SLC9A9: variants seen among roughly 807,000 people sequenced by gnomAD.
The protein encoded by SLC9A9 is sodium/hydrogen exchanger 9.
SLC9A9 carries 62 observed loss-of-function variants against 77.8 expected under a neutral mutation model. The observed-to-expected ratio is 0.80, with a 90% CI of 0.65 to 0.98. SLC9A9 has a LOEUF of 0.98. Among genes scored for constraint, SLC9A9 ranks in the 50% least tolerant of loss-of-function variants. The probability of loss-of-function intolerance (pLI) is 0.00; values close to 1 mark genes in which losing one functional copy is unlikely to be tolerated. For synonymous variants in SLC9A9, 320 were observed against 283.5 expected (o/e 1.13, Z -1.29); for missense variants, 775 against 774.9 (o/e 1.00, Z 0.00).
intron 9 of SLC9A9, among the ~76,000 whole-genome samples, chr3:143,551,571 A>C (rs1246831371): frequency 1.3e-5 from 2 of 152,140 alleles, no homozygotes; most frequent in Non-Finnish European, 2.9e-5. Context: ...GTTAACTTCT[A>C]TTTATATTTC....
chr3:143,491,569 C>T (rs1297313871), intron 11 of SLC9A9, among the ~76,000 whole-genome samples: 1 of 152,148 alleles, frequency 6.6e-6, no homozygotes, highest in South Asian at 2.1e-4. Flanking sequence ...CTCCTCACAT[C>T]CCCTGGCTGT....
At chr3:143,480,239 T>G (rs116469554) in intron 11 of SLC9A9, among the ~76,000 whole-genome samples, 250 of 152,330 alleles carry the variant, frequency 1.6e-3, no homozygotes, top group African/African-American at 4.9e-3. Flanking sequence ...CAGGTAATTT[T>G]TATCGTAAAT....
At chr3:143,354,471 T>C (rs141274416) in intron 14 of SLC9A9, among the ~76,000 whole-genome samples, 2,338 of 152,288 alleles carry the variant, frequency 0.015, 23 homozygotes, top group South Asian at 0.06. Context: ...TGCAGACAAA[T>C]GCTGGATAAC....
At chr3:143,492,240 C>T (rs902048863) in intron 11 of SLC9A9, among the ~76,000 whole-genome samples, 9 of 148,434 alleles carry the variant, frequency 6.1e-5, no homozygotes, top group Non-Finnish European at 1.0e-4. Flanking sequence ...TGCAGTGAGC[C>T]GAGATCACAC....
At chr3:143,487,727 T>C (rs1037318476) in intron 11 of SLC9A9, among the ~76,000 whole-genome samples, 2 of 151,534 alleles carry the variant, frequency 1.3e-5, no homozygotes, top group Admixed American at 1.3e-4. Flanking sequence ...ATACCCAAAC[T>C]TATAAGACAT....
intron 12 of SLC9A9, among the ~76,000 whole-genome samples, chr3:143,453,274 G>A (rs760646526): frequency 7.9e-5 from 12 of 152,016 alleles, no homozygotes; most frequent in South Asian, 6.2e-4. Context: ...TTTGATCTAG[G>A]TTTTAAAGAC....
intron 9 of SLC9A9, among the ~76,000 whole-genome samples, chr3:143,521,690 T>C (rs546175677): frequency 6.6e-6 from 1 of 152,280 alleles, no homozygotes; most frequent in African/African-American, 2.4e-5. Flanking sequence ...TATTCTATTT[T>C]GATACATGTA....
At chr3:143,331,710 G>A (rs894701772) in intron 14 of SLC9A9, among the ~76,000 whole-genome samples, 4 of 152,278 alleles carry the variant, frequency 2.6e-5, no homozygotes, top group East Asian at 1.9e-4. Context: ...CTGCCACCAA[G>A]GAGTCCATTC....
chr3:143,609,663 T>C (rs2037986986), intron 6 of SLC9A9, among the ~76,000 whole-genome samples: 1 of 152,156 alleles, frequency 6.6e-6, no homozygotes, highest in South Asian at 2.1e-4. Context: ...ATTTTATACA[T>C]AGATTAGCAA....
chr3:143,820,257 T>A (rs1488155150), intron 2 of SLC9A9, among the ~76,000 whole-genome samples: 1 of 152,204 alleles, frequency 6.6e-6, no homozygotes, highest in Non-Finnish European at 1.5e-5. Flanking sequence ...CATCTCCTAC[T>A]CATAAGTGGG....
intron 6 of SLC9A9, among the ~76,000 whole-genome samples, chr3:143,609,797 C>T (rs953544762): frequency 1.3e-5 from 2 of 152,058 alleles, no homozygotes; most frequent in African/African-American, 4.8e-5. Flanking sequence ...GATGCATCTA[C>T]CTCTCTTCAA....
At chr3:143,434,811 C>T (rs920982454) in intron 12 of SLC9A9, among the ~76,000 whole-genome samples, 9 of 152,168 alleles carry the variant, frequency 5.9e-5, no homozygotes, top group Non-Finnish European at 1.2e-4. Flanking sequence ...TAGTCCCCAT[C>T]GTCCTCCATT....
In SLC9A9 at chr3:143,467,117, G is replaced by A; in HGVS notation, c.1389C>T (p.Thr463=). The A allele has an allele frequency of 3.7e-6, 6 of 1,614,138 alleles. No individual in the cohort carries two copies. The highest frequency in any genetic ancestry group is 1.3e-5 in the African/African-American group (1 of 75,068). Residue 463 remains threonine (T), a synonymous_variant, in exon 12 of 16, where the codon ACC becomes ACT. Coordinates refer to ENST00000316549, the MANE Select transcript of SLC9A9 (RefSeq NM_173653.4). ...TESQPKQMMF[T]TTLLLVFFTV... ...TGAAGAACACGAGGAGCAGCGTAGT[G>A]GTAAACATCATTTGTTTGGGCTGAG...
intron 1 of SLC9A9, among the ~76,000 whole-genome samples, chr3:143,838,973 A>G (rs1171720469): frequency 1.3e-5 from 2 of 152,236 alleles, no homozygotes; most frequent in Non-Finnish European, 2.9e-5. Context: ...ACATGAATTT[A>G]GAGAGATAAT....
At chr3:143,460,597 C>T (rs1164593225) in intron 12 of SLC9A9, among the ~76,000 whole-genome samples, 6 of 151,996 alleles carry the variant, frequency 3.9e-5, no homozygotes, top group Admixed American at 2.0e-4. Flanking sequence ...TTATTGATAC[C>T]GATATTCTCA....
In SLC9A9 at chr3:143,466,975, C is replaced by T. The variant is rs138058770; in HGVS notation, c.1469+62G>A. The T allele has an allele frequency of 6.1e-4, 965 of 1,577,636 alleles. 6 individuals carry two copies. In the African/African-American group the frequency reaches 0.012, roughly 19 times the overall value. Reference sequence around the variant, plus strand: ...GTACTATTGACTAAGTCAGCAATACCAGAAATTGAACAGCGCAGCCATGCC... The same window carrying T: ...GTACTATTGACTAAGTCAGCAATACTAGAAATTGAACAGCGCAGCCATGCC... On this transcript the variant is annotated intron_variant, in intron 12 of 15. Transcript: ENST00000316549.
At chr3:143,438,895 C>T (rs2034673801) in intron 12 of SLC9A9, among the ~76,000 whole-genome samples, 1 of 152,196 alleles carries the variant, frequency 6.6e-6, no homozygotes, top group Non-Finnish European at 1.5e-5. Context: ...TTCATGGATC[C>T]AAGAGCCCAG....
chr3:143,725,499 A>G (rs1934625181), intron 4 of SLC9A9, among the ~76,000 whole-genome samples: 1 of 151,690 alleles, frequency 6.6e-6, no homozygotes, highest in African/African-American at 2.4e-5. Flanking sequence ...ATGTCCAACA[A>G]TGATAGACTG....
chr3:143,611,094 G>A (rs2038015574), intron 6 of SLC9A9, among the ~76,000 whole-genome samples: 1 of 152,056 alleles, frequency 6.6e-6, no homozygotes, highest in South Asian at 2.1e-4. Flanking sequence ...TAAGGGCATA[G>A]AAGGCTAGAA....
Sources: gnomAD v4.1 joint callset for allele counts (sites outside exome capture counted in the v4.1 genomes callset) on GRCh38, gnomAD v4.1.1 for gene constraint, MANE v1.5 for transcripts, NCBI Gene and HGNC (gene_info 2026-07-23, HGNC 2026-07-21) for gene names.